Variants in HMCN1 observed in about 807,000 individuals in gnomAD.
HMCN1 encodes hemicentin 1.
HMCN1 carries 321 observed loss-of-function variants against 625.9 expected under a neutral mutation model. That is an observed-to-expected ratio of 0.51 (90% CI 0.47 to 0.56). The LOEUF (loss-of-function observed/expected upper bound fraction) is 0.56. Ranked by LOEUF, HMCN1 falls within the 20% of genes least tolerant of loss-of-function variation. The pLI, the probability that HMCN1 is intolerant of heterozygous loss-of-function variation, is 0.00. For synonymous variants in HMCN1, 2,425 were observed against 2,417.6 expected, an observed-to-expected ratio of 1.00 and a Z score of -0.09; for missense variants, 6,588 against 6,887.3, an observed-to-expected ratio of 0.96 and a Z score of 1.54.
intron 25 of HMCN1, 82 bp from the exon 26 acceptor site, chr1:185,999,963 T>C: frequency 2.0e-6 from 2 of 985,596 alleles, no homozygotes; most frequent in South Asian, 1.5e-5. Flanking sequence ...TAACAAAAAC[T>C]TTATTTCTCT....
intron 4 of HMCN1, among the ~76,000 whole-genome samples, chr1:185,882,350 GT>G (rs11377397): frequency 0.019 from 2,776 of 143,628 alleles, 22 homozygotes; most frequent in Non-Finnish European, 0.022. Flanking sequence ...AGAAATGAAT[GT>G]TTTTTTTTTT....
intron 6 of HMCN1, among the ~76,000 whole-genome samples, chr1:185,916,644 A>T (rs1472807850): frequency 6.6e-6 from 1 of 152,180 alleles, no homozygotes. Context: ...TTACTATTTT[A>T]TAAAACATTG....
chr1:186,052,920 A>G (rs1210117620), intron 42 of HMCN1, 32 bp from the exon 43 acceptor site: 23 of 1,549,568 alleles, frequency 1.5e-5, no homozygotes, highest in Non-Finnish European at 2.0e-5. Flanking sequence ...ATATGAAATG[A>G]GTGGAAAAAT....
At chr1:185,802,328 G>T (rs1263438597) in intron 1 of HMCN1, among the ~76,000 whole-genome samples, 6 of 152,080 alleles carry the variant, frequency 3.9e-5, no homozygotes, top group Non-Finnish European at 5.9e-5. Flanking sequence ...GATGATTTAG[G>T]GACATTTCGG....
Position 186,151,305 on chromosome 1 carries a change from C to A in HMCN1, c.14714C>A (p.Thr4905Asn). The change falls in exon 94 of 107, where the codon ACT (threonine) becomes AAT (asparagine). Residue 4905 changes from threonine to asparagine, a missense_variant. Thr to Asn is a moderately conservative substitution (Grantham distance 65). Transcript: ENST00000271588. ...ATAACTGATAGCCCTAACTCTGATACTAGAATAATACGTGCCAAAATTACC... is the reference window on the plus strand; with the variant it reads ...ATAACTGATAGCCCTAACTCTGATAATAGAATAATACGTGCCAAAATTACC... Reference protein sequence around the residue: ...ATITDSPNSDTRIIRAKITNV... With the variant: ...ATITDSPNSDNRIIRAKITNV... 1 of 1,613,588 alleles carries A rather than the reference C, an allele frequency of 6.2e-7. No individual in the cohort carries two copies. The highest frequency in any genetic ancestry group is 1.1e-5 in the South Asian group (1 of 91,072).
chr1:185,957,043 A>G (rs544362532), intron 11 of HMCN1: 1 of 152,288 alleles, frequency 6.6e-6, no homozygotes, highest in Non-Finnish European at 1.5e-5. Flanking sequence ...TAACAATAAC[A>G]CTGTAGGGAA....
intron 1 of HMCN1, among the ~76,000 whole-genome samples, chr1:185,751,133 C>A (rs577985914): frequency 6.6e-6 from 1 of 152,072 alleles, no homozygotes; most frequent in African/African-American, 2.4e-5. Flanking sequence ...GCTCCCTACT[C>A]CTTCATTTTG....
At chr1:186,018,140 A>T in intron 33 of HMCN1, 43 bp from the exon 34 acceptor site, 1 of 1,496,786 alleles carries the variant, frequency 6.7e-7, no homozygotes, top group Non-Finnish European at 9.3e-7. Flanking sequence ...GATATGATTT[A>T]CTTAAAATAT....
In HMCN1 at chr1:185,997,530, T is replaced by C; in HGVS notation, c.3874+6T>C. On this transcript the variant is annotated splice_donor_region_variant and intron_variant, in intron 25 of 106. Coordinates refer to ENST00000271588, the MANE Select transcript of HMCN1 (RefSeq NM_031935.3). ...ATTTCCATGTCCTGCAAAAGGTACG[T>C]AATACTGAAAGATATAGGCATTGGC... is the stretch of plus-strand genomic sequence containing the variant. The C allele has an allele frequency of 3.2e-6, 5 of 1,582,956 alleles. No individual in the cohort carries two copies. Among genetic ancestry groups the C allele is most frequent in the Non-Finnish European group, 4.3e-6 (5 of 1,152,376 alleles).
chr1:186,166,393 C>T, intron 99 of HMCN1, 90 bp downstream of exon 99: 1 of 1,492,482 alleles, frequency 6.7e-7, no homozygotes, highest in Non-Finnish European at 9.2e-7. Flanking sequence ...ATCTTCTTTC[C>T]TACTACTTCT....
chr1:186,051,795 G>A (rs139780600), intron 42 of HMCN1, among the ~76,000 whole-genome samples: 124 of 152,106 alleles, frequency 8.2e-4, no homozygotes, highest in African/African-American at 2.8e-3. Context: ...TGGATAGGGG[G>A]ACTTCTGAGA....
intron 1 of HMCN1, among the ~76,000 whole-genome samples, chr1:185,790,681 G>A (rs754938827): frequency 1.2e-4 from 19 of 152,184 alleles, no homozygotes; most frequent in African/African-American, 2.2e-4. Context: ...AGCATTGCAG[G>A]ATGTTTGGCA....
chr1:185,844,572 A>G (rs1193678155), intron 1 of HMCN1, among the ~76,000 whole-genome samples: 1 of 152,324 alleles, frequency 6.6e-6, no homozygotes, highest in Non-Finnish European at 1.5e-5. Flanking sequence ...AAGCTAGAAA[A>G]CATTTTGTAA....
intron 4 of HMCN1, among the ~76,000 whole-genome samples, chr1:185,880,265 G>T (rs1299156128): frequency 6.6e-6 from 1 of 152,132 alleles, no homozygotes; most frequent in East Asian, 1.9e-4. Flanking sequence ...ATCCATAAAA[G>T]CTCAGATTGA....
At chr1:185,874,828 GA>G (rs1663831453) in intron 4 of HMCN1, among the ~76,000 whole-genome samples, 1 of 151,408 alleles carries the variant, frequency 6.6e-6, no homozygotes, top group African/African-American at 2.4e-5. Context: ...ATGAACTTAG[GA>G]AAAAGACACA....
intron 64 of HMCN1, among the ~76,000 whole-genome samples, chr1:186,092,501 C>T (rs940252219): frequency 2.6e-5 from 4 of 151,806 alleles, no homozygotes; most frequent in Admixed American, 6.6e-5. Flanking sequence ...TTAATCTCTA[C>T]AAAAAACACA....
chr1:185,789,816 G>A lies in HMCN1; in HGVS notation c.268+54769G>A, dbSNP rs551716682. On this transcript the variant is annotated intron_variant, in intron 1 of 106. Transcript: ENST00000271588. ...GTGGGCTCAGGCAAAGAGCCTCTCTGCTAGTGTCAGAGATAATCTCAAAGT... is the reference window on the plus strand; with the variant it reads ...GTGGGCTCAGGCAAAGAGCCTCTCTACTAGTGTCAGAGATAATCTCAAAGT... 2.9e-4 allele frequency among the ~76,000 whole-genome samples: 44 copies of A among 152,308 alleles called. No homozygotes were observed. In the South Asian group the frequency reaches 9.1e-3, roughly 32 times the overall value.
intron 36 of HMCN1, among the ~76,000 whole-genome samples, chr1:186,027,198 T>C (rs1270741346): frequency 6.6e-6 from 1 of 152,142 alleles, no homozygotes; most frequent in Non-Finnish European, 1.5e-5. Context: ...AACATTCTCA[T>C]GGGGTTTTCC....
chr1:185,749,181 A>T (rs758698089), intron 1 of HMCN1, among the ~76,000 whole-genome samples: 10 of 152,316 alleles, frequency 6.6e-5, no homozygotes, highest in African/African-American at 9.6e-5. Flanking sequence ...TCAACAAAGA[A>T]GGATATTTAT....
Sources: allele counts gnomAD v4.1 joint callset (sites outside exome capture counted in the v4.1 genomes callset), GRCh38; gene constraint gnomAD v4.1.1; transcripts MANE v1.5; gene names NCBI Gene and HGNC (gene_info 2026-07-23, HGNC 2026-07-21).